The following ZNF585B variants were observed in gnomAD, a reference collection of about 807,000 sequenced individuals.
ZNF585B encodes zinc finger protein 585B, also known as zinc finger protein 41-like protein.
Under a neutral mutation model 14.0 loss-of-function variants are expected in ZNF585B, and 7 were observed. The ratio of observed to expected loss-of-function variants is 0.50; its 90% CI spans 0.28 to 0.94. The LOEUF (loss-of-function observed/expected upper bound fraction) is 0.94, where lower values mean the gene tolerates loss of function less well. Among genes scored for constraint, ZNF585B ranks in the 40% least tolerant of loss-of-function variants. ZNF585B has a pLI of 0.09. For missense variants in ZNF585B, 750 were observed against 924.4 expected (o/e 0.81, Z 2.45); for synonymous variants, 290 against 317.3 (o/e 0.91, Z 0.91).
At chr19:37,202,737 A>G (rs320888) in intron 2 of ZNF585B, among the ~76,000 whole-genome samples, 110,778 of 150,962 alleles carry the variant, frequency 0.73, 41,679 homozygotes, top group East Asian at 0.99. Context: ...CCGCCACCTG[A>G]GTTCAGGCGA....
At chr19:37,190,212 A>G (rs1972384812) in intron 2 of ZNF585B, 62 bp from the exon 3 acceptor site, 1 of 1,598,288 alleles carries the variant, frequency 6.3e-7, no homozygotes, top group Non-Finnish European at 8.5e-7. Flanking sequence ...GTGACTATAT[A>G]TGGGATTACG....
At chr19:37,190,669 A>G (rs1472595461) in intron 2 of ZNF585B, among the ~76,000 whole-genome samples, 1 of 143,418 alleles carries the variant, frequency 7.0e-6, no homozygotes, top group South Asian at 2.3e-4. Context: ...AGGTTCAAGC[A>G]ATTCTCCTGC....
chr19:37,199,060 A>G (rs1380679289), intron 2 of ZNF585B: 8 of 1,440,184 alleles, frequency 5.6e-6, no homozygotes, highest in Non-Finnish European at 7.5e-6. Context: ...TATACCTGAA[A>G]AGAATATACA....
Position 37,184,434 on chromosome 19 carries a change from AAG to A in ZNF585B, c.*791_*792del, listed in dbSNP as rs1568504886. 8.9e-4 allele frequency: 73 copies of A among 82,236 alleles called. 8 individuals are homozygous for A. Among genetic ancestry groups the A allele is most frequent in the South Asian group, 5.4e-3 (14 of 2,592 alleles). 5.1% of individuals were successfully genotyped at this position (82,236 alleles called of 1,614,324 possible). A position where few individuals can be genotyped will look rare whatever the true frequency, so the allele number is the denominator to read the frequency against. Reference sequence around the variant, plus strand: ...AAAGAAAGAGAAAGAAAGAAAAAGAAAGAAAGAAGGAAAGAAAGAAAGAAAGA... The same window carrying A: ...AAAGAAAGAGAAAGAAAGAAAAAGAAAAAGAAGGAAAGAAAGAAAGAAAGA... On this transcript the variant is annotated 3_prime_UTR_variant, in exon 5 of 5. Coordinates refer to ENST00000532828, the MANE Select transcript of ZNF585B (RefSeq NM_152279.4).
At chr19:37,209,723 C>CTTTTTTT (rs755649009) in intron 1 of ZNF585B, among the ~76,000 whole-genome samples, 1 of 117,998 alleles carries the variant, frequency 8.5e-6, no homozygotes, top group Non-Finnish European at 1.7e-5. Flanking sequence ...AAGTGCACTT[C>CTTTTTTT]TTTTTTTTTT....
intron 2 of ZNF585B, among the ~76,000 whole-genome samples, chr19:37,196,790 A>C (rs1972469299): frequency 6.6e-6 from 1 of 152,232 alleles, no homozygotes; most frequent in Non-Finnish European, 1.5e-5. Flanking sequence ...AATACAGAAT[A>C]TAATACATAT....
At chr19:37,203,479 CAAAAAAAAA>C (rs35565550) in intron 2 of ZNF585B, among the ~76,000 whole-genome samples, 1 of 114,882 alleles carries the variant, frequency 8.7e-6, no homozygotes, top group Non-Finnish European at 1.7e-5. Context: ...GATCTTGTCA[CAAAAAAAAA>C]AAAAAAAAAA....
chr19:37,207,329 C>G (rs2145447830), intron 1 of ZNF585B, 75 bp from the exon 2 acceptor site: 2 of 1,174,152 alleles, frequency 1.7e-6, no homozygotes, highest in South Asian at 2.0e-5. Context: ...AGGTGCAGGT[C>G]CCTGCGCTAG....
intron 2 of ZNF585B, chr19:37,198,944 T>G: frequency 6.7e-7 from 1 of 1,482,186 alleles, no homozygotes; most frequent in South Asian, 1.3e-5. Context: ...GCTACCTTGT[T>G]GATTTCTTCA....
In ZNF585B at chr19:37,184,288, G is replaced by A. The variant is rs1191506274; in HGVS notation, c.*939C>T. The A allele has an allele frequency of 6.6e-6, 1 of 151,702 alleles. No individual in the cohort carries two copies. The highest frequency in any genetic ancestry group is 1.5e-5 in the Non-Finnish European group (1 of 68,216). The allele number at this position is 151,702 out of a possible 1,614,324, so 9.4% of individuals were successfully genotyped here. On this transcript the variant is annotated 3_prime_UTR_variant, in exon 5 of 5. Coordinates refer to ENST00000532828, the MANE Select transcript of ZNF585B (RefSeq NM_152279.4). ...GAATTGCTTGAGCCCGGGAGACGGAGGTTGCAGTGAGCCAAGATAGCGCCA... is the reference window on the plus strand; with the variant it reads ...GAATTGCTTGAGCCCGGGAGACGGAAGTTGCAGTGAGCCAAGATAGCGCCA...
At chr19:37,201,651 T>A (rs1021120290) in intron 2 of ZNF585B, among the ~76,000 whole-genome samples, 1 of 152,190 alleles carries the variant, frequency 6.6e-6, no homozygotes, top group African/African-American at 2.4e-5. Flanking sequence ...ATTCTCTCCA[T>A]CTCTGCAATC....
rs527852761 is a variant in ZNF585B, at chr19:37,190,551, CGTTTTT to C, written c.73-407_73-402del. 84 of 157,756 alleles carry C rather than the reference CGTTTTT, an allele frequency of 5.3e-4. 1 individual carries two copies. The South Asian group carries it at 6.8e-3, about 13-fold the overall frequency. 9.8% of individuals were successfully genotyped at this position (157,756 alleles called of 1,614,324 possible). The stretch of plus-strand genomic sequence containing the variant: ...ACAAGCTTGAGCCACCGCATCTGGC[CGTTTTT>C]GTTTTTGTTTTTGTTTTTTTTCCTT... On this transcript the variant is annotated intron_variant, in intron 2 of 4. Coordinates refer to ENST00000532828, the MANE Select transcript of ZNF585B (RefSeq NM_152279.4).
At chr19:37,199,480 G>T in intron 2 of ZNF585B, 1 of 453,206 alleles carries the variant, frequency 2.2e-6, no homozygotes, top group Non-Finnish European at 4.4e-6. Context: ...AGCCGTGATT[G>T]CACCACAGCA....
At chr19:37,199,961 T>G (rs910888718) in intron 2 of ZNF585B, among the ~76,000 whole-genome samples, 1 of 151,866 alleles carries the variant, frequency 6.6e-6, no homozygotes, top group Non-Finnish European at 1.5e-5. Flanking sequence ...GAGAATCGCT[T>G]GAACCTGGGA....
At chr19:37,193,796 C>CT (rs1202429336) in intron 2 of ZNF585B, among the ~76,000 whole-genome samples, 2 of 152,038 alleles carry the variant, frequency 1.3e-5, no homozygotes, top group Non-Finnish European at 2.9e-5. Context: ...ATAAATAAAA[C>CT]TTAAAAAGTA....
chr19:37,207,354 G>T, intron 1 of ZNF585B, 100 bp from the exon 2 acceptor site: 1 of 868,474 alleles, frequency 1.2e-6, no homozygotes, highest in Non-Finnish European at 1.6e-6. Flanking sequence ...CAGAGCAGTG[G>T]TTCCCAAACG....
chr19:37,189,610 T>G (rs1346982703), intron 4 of ZNF585B, 51 bp downstream of exon 4: 12 of 1,602,450 alleles, frequency 7.5e-6, no homozygotes, highest in Non-Finnish European at 1.0e-5. Context: ...CAGCTGAGAT[T>G]TCCTCCTGTC....
rs142713516 is a variant in ZNF585B at position 37,190,043 on chromosome 19, G to A, written c.180C>T (p.Tyr60=). 3.7e-4 allele frequency: 600 copies of A among 1,614,002 alleles called. No homozygotes were observed. The highest frequency in any genetic ancestry group is 1.3e-4 in the Non-Finnish European group (148 of 1,180,034). Residue 60 remains tyrosine, a synonymous_variant, in exon 3 of 5, where the codon TAC becomes TAT. Transcript: ENST00000532828. ...NLYRDVMLET[Y]SHLLSVGYQV... ...GCTTACCTACTGAGAGCAGGTGGCTGTAGGTCTCCAGCATCACATCCCGGT... is the reference window on the plus strand; with the variant it reads ...GCTTACCTACTGAGAGCAGGTGGCTATAGGTCTCCAGCATCACATCCCGGT...
At chr19:37,196,332 A>G in intron 2 of ZNF585B, among the ~76,000 whole-genome samples, 1 of 152,340 alleles carries the variant, frequency 6.6e-6, no homozygotes, top group Non-Finnish European at 1.5e-5. Context: ...ATCTATAATT[A>G]TTTCAAAATA....
Sources: gnomAD v4.1 joint callset for allele counts (sites outside exome capture counted in the v4.1 genomes callset) on GRCh38, gnomAD v4.1.1 for gene constraint, MANE v1.5 for transcripts, NCBI Gene and HGNC (gene_info 2026-07-23, HGNC 2026-07-21) for gene names.